The following SEPSECS variants were observed in gnomAD, a reference collection of about 807,000 sequenced individuals.
SEPSECS encodes Sep (O-phosphoserine) tRNA:Sec (selenocysteine) tRNA synthase.
SEPSECS carries 42 observed loss-of-function variants against 52.1 expected under a neutral mutation model. The observed-to-expected ratio is 0.81, with a 90% CI of 0.63 to 1.04. SEPSECS has a LOEUF of 1.04. Among genes scored for constraint, SEPSECS ranks in the 50% least tolerant of loss-of-function variants. SEPSECS has a pLI of 0.00. For synonymous variants in SEPSECS, 216 were observed against 211.4 expected (o/e 1.02, Z -0.19); for missense variants, 590 against 610.6 (o/e 0.97, Z 0.36).
At position 25,160,303 on chromosome 4, in the gene SEPSECS, C is replaced by T; in HGVS notation, c.67G>A (p.Glu23Lys). The change falls in exon 1 of 11, where the codon GAG (glutamate) becomes AAG (lysine). Residue 23 changes from glutamate (E) to lysine (K), a missense_variant. Physicochemically the swap from Glu to Lys is moderately conservative, Grantham distance 56. Coordinates refer to ENST00000382103, the MANE Select transcript of SEPSECS (RefSeq NM_016955.4). ...AGGTGCTCATGCGAGCGGCGGGCCT[C>T]ACAGCCCTGCCGCACGTAAGCCGGC... ...VSPAYVRQGC[E>K]ARRSHEHLIR... The T allele has an allele frequency of 6.4e-7, 1 of 1,550,406 alleles. No homozygotes were observed. Among genetic ancestry groups the T allele is most frequent in the Non-Finnish European group, 8.7e-7 (1 of 1,146,770 alleles).
chr4:25,152,136 A>T (rs1712344146), intron 5 of SEPSECS, 74 bp from the exon 6 acceptor site: 2 of 920,336 alleles, frequency 2.2e-6, no homozygotes, highest in Admixed American at 1.8e-5. Context: ...AAAGTTTTTT[A>T]AAAATTTAAT....
intron 8 of SEPSECS, among the ~76,000 whole-genome samples, chr4:25,128,671 G>T (rs1304786235): frequency 6.6e-6 from 1 of 152,016 alleles, no homozygotes; most frequent in African/African-American, 2.4e-5. Flanking sequence ...CCTTTAAAAA[G>T]TGTTGAAATC....
intron 8 of SEPSECS, among the ~76,000 whole-genome samples, chr4:25,141,814 A>C (rs1160873677): frequency 6.6e-6 from 1 of 151,490 alleles, no homozygotes; most frequent in Non-Finnish European, 1.5e-5. Flanking sequence ...CCTGACCTCA[A>C]CTCCCACAGT....
At chr4:25,131,252 A>T (rs983304245) in intron 8 of SEPSECS, among the ~76,000 whole-genome samples, 1 of 152,232 alleles carries the variant, frequency 6.6e-6, no homozygotes, top group Non-Finnish European at 1.5e-5. Flanking sequence ...ATTTTATGTG[A>T]AACGGTCTTA....
chr4:25,131,342 G>A (rs1252067769), intron 8 of SEPSECS, among the ~76,000 whole-genome samples: 2 of 152,152 alleles, frequency 1.3e-5, no homozygotes, highest in South Asian at 2.1e-4. Context: ...ATTACAATAT[G>A]TTTCAGAAGG....
intron 8 of SEPSECS, among the ~76,000 whole-genome samples, chr4:25,139,474 C>T (rs1728973723): frequency 1.3e-5 from 2 of 149,954 alleles, no homozygotes; most frequent in Non-Finnish European, 3.0e-5. Flanking sequence ...GCAACTTCCG[C>T]CTCCTGGGTT....
chr4:25,146,254 G>A lies in SEPSECS; in HGVS notation c.805-1121C>T, dbSNP rs185591140. On this transcript the variant is annotated intron_variant, in intron 6 of 10. Coordinates refer to ENST00000382103, the MANE Select transcript of SEPSECS (RefSeq NM_016955.4). ...ACACCTTGCTATCTGAGGGAGAACA[G>A]AAGGAGCAGATAGCTGGCCTAATCT... Among the ~76,000 whole-genome samples the A allele has an allele frequency of 1.1e-4, 17 of 152,290 alleles. No individual in the cohort carries two copies. In the East Asian group the frequency reaches 3.3e-3, roughly 29 times the overall value.
At chr4:25,149,008 G>C (rs1488842724) in intron 6 of SEPSECS, among the ~76,000 whole-genome samples, 1 of 152,058 alleles carries the variant, frequency 6.6e-6, no homozygotes, top group African/African-American at 2.4e-5. Flanking sequence ...TAATGACAAA[G>C]CAGAGTATTA....
At position 25,155,134 on chromosome 4, in the gene SEPSECS, T is replaced by C; in HGVS notation, c.565A>G (p.Ile189Val). 2 of 1,614,086 alleles carry C rather than the reference T, an allele frequency of 1.2e-6. No homozygotes were observed. Among genetic ancestry groups the C allele is most frequent in the Middle Eastern group, 3.3e-4 (2 of 6,062 alleles). ...TCGTCACCTTCCAAAACATTTTCTA[T>C]CACCACAGGCTCAAAACCTAACCAA... is the stretch of plus-strand genomic sequence containing the variant. ...MITAGFEPVVIENVLEGDELR... is the reference protein window; with the variant it reads ...MITAGFEPVVVENVLEGDELR... The change falls in exon 5 of 11, where the codon ATA becomes GTA. Residue 189 changes from isoleucine (I) to valine (V), a missense_variant. Transcript: ENST00000382103.
At chr4:25,133,130 TAA>T (rs1728678490) in intron 8 of SEPSECS, among the ~76,000 whole-genome samples, 1 of 152,068 alleles carries the variant, frequency 6.6e-6, no homozygotes, top group Non-Finnish European at 1.5e-5. Flanking sequence ...TCCCCTAGCC[TAA>T]AAGAGTTCTC....
In SEPSECS at chr4:25,123,839, AT is replaced by A. The variant is rs1560319072; in HGVS notation, c.*91del. 4 of 1,152,818 alleles carry A rather than the reference AT, an allele frequency of 3.5e-6. No homozygotes were observed. Among genetic ancestry groups the A allele is most frequent in the Admixed American group, 1.7e-5 (1 of 57,234 alleles). 71.4% of individuals were successfully genotyped at this position (1,152,818 alleles called of 1,614,324 possible). A position where few individuals can be genotyped will look rare whatever the true frequency, so the allele number is the denominator to read the frequency against. ...ACTGAATATTCCCATGAAATTCTCA[AT>A]TCAAAAATCTCAAGTCTTATCTTTA... is the stretch of plus-strand genomic sequence containing the variant. On this transcript the variant is annotated 3_prime_UTR_variant, in exon 11 of 11. Coordinates refer to ENST00000382103, the MANE Select transcript of SEPSECS (RefSeq NM_016955.4).
At chr4:25,146,710 C>T (rs1357322501) in intron 6 of SEPSECS, among the ~76,000 whole-genome samples, 9 of 152,270 alleles carry the variant, frequency 5.9e-5, no homozygotes, top group African/African-American at 2.2e-4. Context: ...AACAAACAGG[C>T]CAGACCCAAT....
chr4:25,154,901 T>A (rs1176036721), intron 5 of SEPSECS, 97 bp downstream of exon 5: 1 of 1,249,900 alleles, frequency 8.0e-7, no homozygotes, highest in African/African-American at 1.5e-5. Context: ...CATTCACCTA[T>A]TTATTGTGAA....
chr4:25,159,667 G>A (rs1017744178), intron 1 of SEPSECS: 15 of 363,024 alleles, frequency 4.1e-5, no homozygotes, highest in Non-Finnish European at 7.1e-5. Flanking sequence ...AGCTACTCGG[G>A]AGGCTGAGGC....
intron 8 of SEPSECS, among the ~76,000 whole-genome samples, chr4:25,134,810 A>C (rs1047340238): frequency 1.3e-5 from 2 of 152,096 alleles, no homozygotes; most frequent in African/African-American, 4.8e-5. Context: ...CAGCATATAG[A>C]AATCTTAAAA....
chr4:25,146,561 T>C (rs1327704249), intron 6 of SEPSECS, among the ~76,000 whole-genome samples: 6 of 152,162 alleles, frequency 3.9e-5, no homozygotes, highest in Admixed American at 3.9e-4. Flanking sequence ...TTTAGTACTG[T>C]CCAAGGCCTC....
chr4:25,128,665 TAA>T (rs1433310520), intron 8 of SEPSECS, among the ~76,000 whole-genome samples: 2 of 152,122 alleles, frequency 1.3e-5, no homozygotes, highest in African/African-American at 4.8e-5. Context: ...ACAAGACCTT[TAA>T]AAAGTGTTGA....
chr4:25,158,576 TC>T (rs1054541913), intron 2 of SEPSECS, among the ~76,000 whole-genome samples: 5 of 147,898 alleles, frequency 3.4e-5, no homozygotes, highest in African/African-American at 1.2e-4. Flanking sequence ...TATAAATCAT[TC>T]AAAAAAAAAA....
chr4:25,144,145 C>G (rs1401311723), intron 8 of SEPSECS, among the ~76,000 whole-genome samples: 1 of 151,752 alleles, frequency 6.6e-6, no homozygotes, highest in Non-Finnish European at 1.5e-5. Flanking sequence ...TGGAGATCAG[C>G]CTAGCCAACA....
Sources: gnomAD v4.1 joint callset for allele counts (sites outside exome capture counted in the v4.1 genomes callset) on GRCh38, gnomAD v4.1.1 for gene constraint, MANE v1.5 for transcripts, NCBI Gene and HGNC (gene_info 2026-07-23, HGNC 2026-07-21) for gene names.